The following LCORL variants were observed in gnomAD, a reference collection of about 807,000 sequenced individuals.
The protein encoded by LCORL is ligand-dependent nuclear receptor corepressor-like protein.
LCORL carries 41 observed loss-of-function variants against 141.8 expected under a neutral mutation model. The observed-to-expected ratio is 0.29, with a 90% CI of 0.23 to 0.38. The LOEUF is 0.38. Among genes scored for constraint, LCORL ranks in the 10% least tolerant of loss-of-function variants. The probability of loss-of-function intolerance (pLI) is 1.00; values close to 1 mark genes in which losing one functional copy is unlikely to be tolerated. For synonymous variants in LCORL, 618 were observed against 694.1 expected (o/e 0.89, Z 1.72); for missense variants, 1,759 against 2,035.0 (o/e 0.86, Z 2.61).
At chr4:17,974,360 T>C (rs530246071) in intron 1 of LCORL, among the ~76,000 whole-genome samples, 1 of 152,298 alleles carries the variant, frequency 6.6e-6, no homozygotes, top group Non-Finnish European at 1.5e-5. Flanking sequence ...GAAATTCTTA[T>C]GGTTCAATCT....
intron 5 of LCORL, among the ~76,000 whole-genome samples, chr4:17,891,378 T>C (rs1328320650): frequency 2.6e-5 from 4 of 152,100 alleles, no homozygotes; most frequent in African/African-American, 7.2e-5. Context: ...GATGTAGCCA[T>C]ATGTCTTCAA....
chr4:17,869,073 T>C (rs936142815), intron 7 of LCORL, among the ~76,000 whole-genome samples: 1 of 147,118 alleles, frequency 6.8e-6, no homozygotes, highest in African/African-American at 2.5e-5. Context: ...TAGAGAAAAG[T>C]GACCCTTTTG....
At chr4:17,893,469 T>C in intron 5 of LCORL, 1 of 985,364 alleles carries the variant, frequency 1.0e-6, no homozygotes. Context: ...AGAGGATATA[T>C]ATCTCATGTG....
chr4:17,983,296 G>A (rs747212009), intron 1 of LCORL, among the ~76,000 whole-genome samples: 31 of 152,118 alleles, frequency 2.0e-4, no homozygotes, highest in Non-Finnish European at 3.8e-4. Flanking sequence ...TTCTAGTTCT[G>A]TGAAGAATGT....
intron 6 of LCORL, chr4:17,883,588 G>A (rs906900683): frequency 7.4e-7 from 1 of 1,349,074 alleles, no homozygotes; most frequent in Admixed American, 3.4e-5. Context: ...AAAATTTCAT[G>A]TCTCCTGTCA....
At chr4:17,924,552 C>G (rs1170188762) in intron 4 of LCORL, among the ~76,000 whole-genome samples, 1 of 152,190 alleles carries the variant, frequency 6.6e-6, no homozygotes, top group African/African-American at 2.4e-5. Flanking sequence ...GAAAGGGCAA[C>G]AGTTTGTCCT....
intron 5 of LCORL, among the ~76,000 whole-genome samples, chr4:17,892,197 AT>A (rs770471544): frequency 0.07 from 8,322 of 119,582 alleles, 304 homozygotes; most frequent in Middle Eastern, 0.19. Flanking sequence ...GTCAAATAGT[AT>A]TTTTTTTTTT....
At chr4:17,841,762 C>T (rs1055760649) in exon 8 of LCORL, 3 of 151,838 alleles carry the variant, frequency 2.0e-5, no homozygotes, top group African/African-American at 7.3e-5. Flanking sequence ...TCTTATAATC[C>T]CCAGTATATA....
At chr4:17,891,735 T>C (rs1236179485) in intron 5 of LCORL, among the ~76,000 whole-genome samples, 3 of 152,172 alleles carry the variant, frequency 2.0e-5, no homozygotes, top group African/African-American at 7.2e-5. Flanking sequence ...ATACAGATGA[T>C]GTAAATATGT....
chr4:17,999,085 T>C (rs1314463254), intron 1 of LCORL, among the ~76,000 whole-genome samples: 1 of 149,544 alleles, frequency 6.7e-6, no homozygotes, highest in Non-Finnish European at 1.5e-5. Context: ...TTATGTACTG[T>C]ACATAATTGT....
chr4:17,859,179 AATAGGCTTTGTGTTT>A (rs1724706806), intron 7 of LCORL, among the ~76,000 whole-genome samples: 1 of 152,156 alleles, frequency 6.6e-6, no homozygotes, highest in Non-Finnish European at 1.5e-5. Flanking sequence ...TTTATTGTAA[AATAGGCTTTGTGTTT>A]AACGGTTTTG....
At chr4:17,966,131 C>A (rs1305346850) in intron 2 of LCORL, among the ~76,000 whole-genome samples, 1 of 151,894 alleles carries the variant, frequency 6.6e-6, no homozygotes, top group Non-Finnish European at 1.5e-5. Flanking sequence ...ATTCATAATC[C>A]CATCATCCGT....
intron 1 of LCORL, among the ~76,000 whole-genome samples, chr4:17,990,984 C>CA (rs1191029737): frequency 1.3e-5 from 2 of 151,278 alleles, no homozygotes; most frequent in Non-Finnish European, 2.9e-5. Context: ...AAACTACCTT[C>CA]AAAAAAATAA....
At chr4:17,909,245 A>G in exon 5 of LCORL, 11 of 1,613,334 alleles carry the variant, frequency 6.8e-6, no homozygotes, top group Non-Finnish European at 9.3e-6. Context: ...CTTGAGTTTT[A>G]CCACTTTTTG....
At chr4:18,017,751 A>G (rs891300177) in intron 1 of LCORL, among the ~76,000 whole-genome samples, 8 of 152,190 alleles carry the variant, frequency 5.3e-5, no homozygotes, top group South Asian at 2.1e-4. Context: ...GAATAAGAGG[A>G]AAAAAAGCTA....
chr4:17,858,669 G>C (rs780545726), intron 7 of LCORL, among the ~76,000 whole-genome samples: 2 of 151,606 alleles, frequency 1.3e-5, no homozygotes, highest in African/African-American at 2.4e-5. Context: ...TGGAGGTTGC[G>C]GTGAGCCAAG....
chr4:17,868,489 T>G (rs1314234794), intron 7 of LCORL, among the ~76,000 whole-genome samples: 2 of 152,158 alleles, frequency 1.3e-5, no homozygotes, highest in Non-Finnish European at 2.9e-5. Context: ...CTTATTTATA[T>G]CGAGATGTTT....
chr4:17,851,008 C>T (rs13141503), intron 7 of LCORL, among the ~76,000 whole-genome samples: 6,145 of 148,408 alleles, frequency 0.041, 348 homozygotes, highest in African/African-American at 0.15. Context: ...AATCATCATT[C>T]TCAGTAAACT....
intron 5 of LCORL, among the ~76,000 whole-genome samples, chr4:17,908,033 T>C (rs1212748273): frequency 6.6e-6 from 1 of 152,108 alleles, no homozygotes; most frequent in Non-Finnish European, 1.5e-5. Flanking sequence ...AACTAGTATA[T>C]TCTTCTTTTT....
Sources: allele counts gnomAD v4.1 joint callset (sites outside exome capture counted in the v4.1 genomes callset), GRCh38; gene constraint gnomAD v4.1.1; transcripts MANE v1.5; gene names NCBI Gene and HGNC (gene_info 2026-07-23, HGNC 2026-07-21).